The following ITPR2 variants were observed in gnomAD, a reference collection of about 807,000 sequenced individuals.
The protein encoded by ITPR2 is inositol 1,4,5-trisphosphate receptor type 2, also known as inositol 1,4,5-trisphosphate-gated calcium channel ITPR2.
In ITPR2, 207 loss-of-function variants were observed where a neutral mutation model predicts 317.1. The observed-to-expected ratio is 0.65, with a 90% confidence interval of 0.58 to 0.73. The LOEUF (loss-of-function observed/expected upper bound fraction) is 0.73. ITPR2 is among the 30% of genes least tolerant of loss of function. ITPR2 has a pLI of 0.00. For synonymous variants in ITPR2, 1,156 were observed against 1,149.1 expected (o/e 1.01, Z -0.12); for missense variants, 2,613 against 3,284.0 (o/e 0.80, Z 4.99).
intron 26 of ITPR2, among the ~76,000 whole-genome samples, chr12:26,616,789 GC>G (rs1171407304): frequency 6.6e-6 from 1 of 151,986 alleles, no homozygotes; most frequent in Non-Finnish European, 1.5e-5. Flanking sequence ...TTTTACCTCT[GC>G]CCCCCTTCAG....
intron 2 of ITPR2, among the ~76,000 whole-genome samples, chr12:26,784,986 TG>T (rs1229325801): frequency 1.9e-4 from 1 of 5,166 alleles, no homozygotes; most frequent in African/African-American, 4.4e-4. Flanking sequence ...GCGCCTCTGC[TG>T]GGCCGCAACC....
intron 20 of ITPR2, among the ~76,000 whole-genome samples, chr12:26,655,013 G>A (rs1440969232): frequency 2.0e-5 from 3 of 152,198 alleles, no homozygotes; most frequent in Non-Finnish European, 4.4e-5. Flanking sequence ...AAGTTTTGGA[G>A]TAATTTGTTA....
At chr12:26,459,171 T>TAC (rs1259626795) in intron 45 of ITPR2, among the ~76,000 whole-genome samples, 1 of 152,194 alleles carries the variant, frequency 6.6e-6, no homozygotes, top group African/African-American at 2.4e-5. Context: ...ATTTTAAATG[T>TAC]ACACACACTT....
chr12:26,604,193 C>T (rs996195703), intron 26 of ITPR2, among the ~76,000 whole-genome samples: 2 of 152,184 alleles, frequency 1.3e-5, no homozygotes, highest in Non-Finnish European at 2.9e-5. Flanking sequence ...CTTCAAGCAG[C>T]AGAGCAACTT....
At chr12:26,700,879 T>C (rs959096675) in intron 9 of ITPR2, among the ~76,000 whole-genome samples, 3 of 152,224 alleles carry the variant, frequency 2.0e-5, no homozygotes, top group African/African-American at 7.2e-5. Flanking sequence ...ATGTGTAAAC[T>C]GAGAGAGAAA....
chr12:26,657,888 C>A lies in ITPR2; in HGVS notation c.2011G>T (p.Val671Phe). The change falls in exon 18 of 57, where the codon GTC becomes TTC. Residue 671 changes from valine to phenylalanine, a missense_variant. By Grantham distance (50) the Val-to-Phe change is conservative (BLOSUM62 -1). This residue lies in a region of ITPR2 where 817 missense variants were observed against 897.6 expected (regional missense o/e 0.91). Coordinates refer to ENST00000381340, the MANE Select transcript of ITPR2 (RefSeq NM_002223.4). ...ATGGGGTTGTCTGCTTGCATTGAGA[C>A]CACCCTTCAAATAAATAGCACATAC... ...NADILIQTKV[V>F]SMQADNPMES... 1 of 1,613,034 alleles carries A rather than the reference C, an allele frequency of 6.2e-7. No homozygotes were observed. The highest frequency in any genetic ancestry group is 8.5e-7 in the Non-Finnish European group (1 of 1,179,370).
At chr12:26,473,457 G>A (rs1446607025) in intron 45 of ITPR2, among the ~76,000 whole-genome samples, 5 of 152,214 alleles carry the variant, frequency 3.3e-5, no homozygotes, top group African/African-American at 4.8e-5. Flanking sequence ...CTGCTCACTC[G>A]TGCAAGAAGA....
At chr12:26,570,123 T>C (rs2137052555) in intron 34 of ITPR2, among the ~76,000 whole-genome samples, 1 of 152,318 alleles carries the variant, frequency 6.6e-6, no homozygotes, top group Non-Finnish European at 1.5e-5. Context: ...ATAGACAAGG[T>C]CAGGCTCTAG....
chr12:26,481,301 A>G, intron 42 of ITPR2, 60 bp from the exon 43 acceptor site: 2 of 961,650 alleles, frequency 2.1e-6, no homozygotes, highest in Admixed American at 3.9e-5. Context: ...CACTAGAACT[A>G]ACAGGATATA....
intron 32 of ITPR2, among the ~76,000 whole-genome samples, chr12:26,594,828 T>C (rs1485415778): frequency 6.6e-6 from 1 of 152,226 alleles, no homozygotes; most frequent in Non-Finnish European, 1.5e-5. Context: ...CTCATTCATT[T>C]ACTCAATATT....
At chr12:26,768,571 TAAAAAAAAAA>T (rs879291062) in intron 2 of ITPR2, among the ~76,000 whole-genome samples, 1 of 96,188 alleles carries the variant, frequency 1.0e-5, no homozygotes, top group African/African-American at 6.0e-5. Flanking sequence ...CAAATATATA[TAAAAAAAAAA>T]AAAAAAAAAA....
At chr12:26,828,504 T>C (rs780749755) in intron 1 of ITPR2, among the ~76,000 whole-genome samples, 10 of 152,132 alleles carry the variant, frequency 6.6e-5, no homozygotes, top group Admixed American at 3.9e-4. Context: ...TGACGGACCA[T>C]TAAAAAACTG....
At chr12:26,416,579 C>A (rs985372436) in intron 50 of ITPR2, among the ~76,000 whole-genome samples, 1 of 152,044 alleles carries the variant, frequency 6.6e-6, no homozygotes, top group Non-Finnish European at 1.5e-5. Context: ...TAATTGTAGT[C>A]TTGCAAATAA....
intron 45 of ITPR2, among the ~76,000 whole-genome samples, chr12:26,461,555 G>A (rs1399227372): frequency 6.8e-6 from 1 of 147,524 alleles, no homozygotes; most frequent in Non-Finnish European, 1.5e-5. Flanking sequence ...CAAATCTCTG[G>A]TATAGTAACA....
At chr12:26,604,065 A>G (rs1305056485) in intron 26 of ITPR2, among the ~76,000 whole-genome samples, 1 of 152,180 alleles carries the variant, frequency 6.6e-6, no homozygotes, top group Non-Finnish European at 1.5e-5. Flanking sequence ...GCCAATTGAT[A>G]TGATTTATTT....
At chr12:26,566,198 G>A (rs1944979044) in intron 34 of ITPR2, among the ~76,000 whole-genome samples, 1 of 123,942 alleles carries the variant, frequency 8.1e-6, no homozygotes, top group African/African-American at 3.1e-5. Context: ...AGGGAGATGA[G>A]AGTGAGAGGA....
At chr12:26,413,999 A>C (rs932779171) in intron 51 of ITPR2, among the ~76,000 whole-genome samples, 6 of 150,142 alleles carry the variant, frequency 4.0e-5, no homozygotes, top group African/African-American at 1.5e-4. Flanking sequence ...CAAATCTAGT[A>C]AGTAATTAAT....
At chr12:26,583,207 C>A (rs1170998537) in intron 32 of ITPR2, among the ~76,000 whole-genome samples, 1 of 152,076 alleles carries the variant, frequency 6.6e-6, no homozygotes. Flanking sequence ...TTTAATTATA[C>A]CTAAAAGTTA....
intron 37 of ITPR2, among the ~76,000 whole-genome samples, chr12:26,547,512 A>T (rs1475656735): frequency 6.6e-6 from 1 of 152,238 alleles, no homozygotes; most frequent in East Asian, 1.9e-4. Flanking sequence ...AAAAAATGAA[A>T]AACAGAATTA....
Sources: allele counts gnomAD v4.1 joint callset (sites outside exome capture counted in the v4.1 genomes callset), GRCh38; gene constraint gnomAD v4.1.1; regional missense constraint gnomAD v4.1.1; transcripts MANE v1.5; gene names NCBI Gene and HGNC (gene_info 2026-07-23, HGNC 2026-07-21).